Variants in CNGB3 observed in about 807,000 individuals in gnomAD.
CNGB3 encodes the protein cyclic nucleotide gated channel subunit beta 3.
In CNGB3, 86 loss-of-function variants were observed where a neutral mutation model predicts 92.8. The ratio of observed to expected loss-of-function variants is 0.93; its 90% CI spans 0.78 to 1.11. CNGB3 has a LOEUF of 1.11. Among genes scored for constraint, CNGB3 ranks in the 50% least tolerant of loss-of-function variants. The probability of loss-of-function intolerance (pLI) is 0.00; values close to 1 mark genes in which losing one functional copy is unlikely to be tolerated. For missense variants in CNGB3, 1,026 were observed against 956.8 expected (o/e 1.07, Z -0.95); for synonymous variants, 333 against 332.7 (o/e 1.00, Z -0.01).
chr8:86,638,136 G>A (rs1585985320), intron 10 of CNGB3, among the ~76,000 whole-genome samples: 1 of 152,000 alleles, frequency 6.6e-6, no homozygotes, highest in South Asian at 2.1e-4. Context: ...TGAATACCTA[G>A]CCTGCCTCAA....
chr8:86,703,512 C>T (rs11995461), intron 3 of CNGB3, among the ~76,000 whole-genome samples: 161 of 152,242 alleles, frequency 1.1e-3, no homozygotes, highest in African/African-American at 3.8e-3. Context: ...TTGTGTGTGG[C>T]TGCATGATGT....
chr8:86,625,940 T>C (rs764691413), intron 13 of CNGB3, 43 bp downstream of exon 13: 6 of 1,468,314 alleles, frequency 4.1e-6, no homozygotes, highest in African/African-American at 1.4e-5. Context: ...TTAGATTCCA[T>C]AGAGAAATAG....
At chr8:86,617,262 G>C (rs907879047) in intron 13 of CNGB3, among the ~76,000 whole-genome samples, 8 of 152,176 alleles carry the variant, frequency 5.3e-5, no homozygotes, top group Non-Finnish European at 8.8e-5. Flanking sequence ...TAGTCCTATA[G>C]AATTTCTCCA....
Position 86,643,759 on chromosome 8 carries a change from T to C in CNGB3, c.1170A>G (p.Glu390=), listed in dbSNP as rs764223759. 6.2e-7 allele frequency: 1 copy of C among 1,605,266 alleles called. No individual in the cohort carries two copies. Among genetic ancestry groups the C allele is most frequent in the South Asian group, 1.1e-5 (1 of 90,804 alleles). ...IGTTRWVYDG[E]GNEYLRCYYW... ...TCAAAATCAGAACTTACTCGTTTCCTTCCCCATCATACACCCATCTAGTAG... is the reference window on the plus strand; with the variant it reads ...TCAAAATCAGAACTTACTCGTTTCCCTCCCCATCATACACCCATCTAGTAG... Residue 390 remains glutamate, a synonymous_variant, in exon 10 of 18, where the codon GAA becomes GAG. Transcript: ENST00000320005.
At chr8:86,588,103 G>A (rs1312774640) in intron 15 of CNGB3, among the ~76,000 whole-genome samples, 1 of 140,956 alleles carries the variant, frequency 7.1e-6, no homozygotes, top group African/African-American at 2.8e-5. Flanking sequence ...TGAAGCAATT[G>A]TGAATGGGAG....
At chr8:86,657,547 T>C (rs1242169716) in intron 6 of CNGB3, 4 of 478,696 alleles carry the variant, frequency 8.4e-6, no homozygotes, top group African/African-American at 6.1e-5. Context: ...CCCTGGCCTC[T>C]TCTTGTGCAG....
intron 2 of CNGB3, among the ~76,000 whole-genome samples, chr8:86,734,407 AC>A (rs1406102918): frequency 6.6e-6 from 1 of 152,144 alleles, no homozygotes; most frequent in Non-Finnish European, 1.5e-5. Flanking sequence ...TGTTTACAAA[AC>A]AAAGACTGGG....
chr8:86,667,221 T>G, intron 5 of CNGB3, 88 bp from the exon 6 acceptor site: 1 of 1,112,460 alleles, frequency 9.0e-7, no homozygotes, highest in Non-Finnish European at 1.3e-6. Context: ...GTTGGGGCAC[T>G]ACCCTCTACA....
intron 15 of CNGB3, chr8:86,593,921 G>C (rs1274900155): frequency 7.0e-6 from 4 of 574,292 alleles, no homozygotes; most frequent in South Asian, 6.5e-5. Flanking sequence ...TGTGTGCCAG[G>C]GGCAGAAGGA....
chr8:86,710,606 A>G (rs753295064), intron 3 of CNGB3, among the ~76,000 whole-genome samples: 1 of 152,190 alleles, frequency 6.6e-6, no homozygotes, highest in Non-Finnish European at 1.5e-5. Flanking sequence ...CCTCTTTTCT[A>G]ATTGATTCAT....
intron 3 of CNGB3, among the ~76,000 whole-genome samples, chr8:86,680,909 T>A (rs1824069816): frequency 6.6e-6 from 1 of 152,214 alleles, no homozygotes; most frequent in East Asian, 1.9e-4. Context: ...TAAAAGTTGG[T>A]TTGATTTTTA....
At chr8:86,616,176 C>T (rs1263423620) in intron 13 of CNGB3, among the ~76,000 whole-genome samples, 1 of 152,172 alleles carries the variant, frequency 6.6e-6, no homozygotes, top group Non-Finnish European at 1.5e-5. Flanking sequence ...ACATTTGAAC[C>T]AATCTAAATA....
intron 15 of CNGB3, among the ~76,000 whole-genome samples, chr8:86,592,537 A>G (rs138567549): frequency 1.3e-5 from 2 of 152,238 alleles, no homozygotes; most frequent in Non-Finnish European, 2.9e-5. Flanking sequence ...GCCTGGAGAT[A>G]CATAGCTCAT....
At chr8:86,669,916 T>A (rs1054219825) in intron 4 of CNGB3, among the ~76,000 whole-genome samples, 3 of 152,066 alleles carry the variant, frequency 2.0e-5, no homozygotes, top group African/African-American at 7.2e-5. Context: ...AGTGGCGCAA[T>A]CTTGGCTCAC....
At chr8:86,726,451 G>T (rs905999210) in intron 3 of CNGB3, 80 bp downstream of exon 3, 1 of 1,571,724 alleles carries the variant, frequency 6.4e-7, no homozygotes. Flanking sequence ...TCAGCTAAAG[G>T]GGAGAGTGGA....
chr8:86,632,063 G>A (rs1051162550), intron 11 of CNGB3, among the ~76,000 whole-genome samples: 1 of 152,002 alleles, frequency 6.6e-6, no homozygotes, highest in Non-Finnish European at 1.5e-5. Flanking sequence ...GCTTGGTGTG[G>A]TGGGGTGCAA....
At chr8:86,577,738 A>G (rs958772039) in intron 17 of CNGB3, among the ~76,000 whole-genome samples, 1 of 152,166 alleles carries the variant, frequency 6.6e-6, no homozygotes, top group Non-Finnish European at 1.5e-5. Context: ...CCTAACACAC[A>G]TATTTTCTCT....
At chr8:86,624,863 C>T (rs962037010) in intron 13 of CNGB3, among the ~76,000 whole-genome samples, 3 of 152,082 alleles carry the variant, frequency 2.0e-5, no homozygotes, top group Non-Finnish European at 4.4e-5. Flanking sequence ...ATCACAGGGG[C>T]GGATTTCCTA....
At chr8:86,728,088 T>C (rs921628783) in intron 2 of CNGB3, among the ~76,000 whole-genome samples, 1 of 152,196 alleles carries the variant, frequency 6.6e-6, no homozygotes, top group African/African-American at 2.4e-5. Context: ...ACGCATCTCC[T>C]ATCTACTTTT....
Sources: allele counts gnomAD v4.1 joint callset (sites outside exome capture counted in the v4.1 genomes callset), GRCh38; gene constraint gnomAD v4.1.1; transcripts MANE v1.5; gene names NCBI Gene and HGNC (gene_info 2026-07-23, HGNC 2026-07-21).